Variants in DLG2 observed in about 807,000 individuals in gnomAD.
The protein encoded by DLG2 is discs large MAGUK scaffold protein 2, also known as disks large homolog 2.
DLG2 carries 45 observed loss-of-function variants against 132.5 expected under a neutral mutation model. The ratio of observed to expected loss-of-function variants is 0.34; its 90% CI spans 0.27 to 0.44. The LOEUF is 0.44. Ranked by LOEUF, DLG2 falls within the 20% of genes least tolerant of loss-of-function variation. The probability of loss-of-function intolerance (pLI) is 1.00; values close to 1 mark genes in which losing one functional copy is unlikely to be tolerated. For synonymous variants in DLG2, 424 were observed against 419.6 expected, an observed-to-expected ratio of 1.01 and a Z score of -0.13; for missense variants, 1,045 against 1,196.9, an observed-to-expected ratio of 0.87 and a Z score of 1.87.
intron 6 of DLG2, among the ~76,000 whole-genome samples, chr11:85,110,113 G>T (rs1386607337): frequency 2.0e-5 from 3 of 152,080 alleles, no homozygotes; most frequent in Non-Finnish European, 2.9e-5. Flanking sequence ...GTAGGAATCA[G>T]TAGTTATGAA....
intron 6 of DLG2, among the ~76,000 whole-genome samples, chr11:84,882,155 C>T (rs1165223676): frequency 6.6e-6 from 1 of 151,932 alleles, no homozygotes. Context: ...AGACAGTACA[C>T]CTTCTTTAAG....
At chr11:85,040,952 G>C (rs1312879043) in intron 6 of DLG2, among the ~76,000 whole-genome samples, 2 of 151,792 alleles carry the variant, frequency 1.3e-5, no homozygotes, top group African/African-American at 4.8e-5. Context: ...CCACTTTCCA[G>C]TTAGTAATAG....
intron 11 of DLG2, among the ~76,000 whole-genome samples, chr11:84,034,623 T>C (rs2095810690): frequency 6.6e-6 from 1 of 152,116 alleles, no homozygotes; most frequent in Admixed American, 6.5e-5. Flanking sequence ...AGCAATGTGG[T>C]TCTGGGAAGT....
At chr11:84,971,155 G>A (rs915277236) in intron 6 of DLG2, among the ~76,000 whole-genome samples, 30 of 152,238 alleles carry the variant, frequency 2.0e-4, no homozygotes, top group South Asian at 1.2e-3. Flanking sequence ...TAAATTTACC[G>A]TTCATTCCCA....
At chr11:85,121,933 G>T (rs917666587) in intron 5 of DLG2, among the ~76,000 whole-genome samples, 2 of 152,036 alleles carry the variant, frequency 1.3e-5, no homozygotes, top group African/African-American at 4.8e-5. Flanking sequence ...GAAGTACATG[G>T]ATATCTACAT....
At chr11:84,567,466 T>A (rs1018369248) in intron 6 of DLG2, among the ~76,000 whole-genome samples, 3 of 152,214 alleles carry the variant, frequency 2.0e-5, no homozygotes, top group African/African-American at 7.2e-5. Context: ...CCTTGATGGA[T>A]CCTCAATCAT....
At chr11:85,369,250 C>T (rs956496251) in intron 3 of DLG2, among the ~76,000 whole-genome samples, 3 of 152,016 alleles carry the variant, frequency 2.0e-5, no homozygotes, top group African/African-American at 7.2e-5. Context: ...GGGTGTATGG[C>T]CCAAGGGTCC....
At chr11:84,438,084 C>T (rs1008326554) in intron 7 of DLG2, among the ~76,000 whole-genome samples, 1 of 152,170 alleles carries the variant, frequency 6.6e-6, no homozygotes, top group Non-Finnish European at 1.5e-5. Flanking sequence ...AACCCAATCC[C>T]ACTCATATCC....
chr11:85,180,418 G>A (rs978115545), intron 4 of DLG2, among the ~76,000 whole-genome samples: 2 of 151,742 alleles, frequency 1.3e-5, no homozygotes, highest in African/African-American at 4.8e-5. Context: ...AAACCACAAA[G>A]TCCTTTCATT....
At chr11:83,686,117 C>T (rs892305533) in intron 18 of DLG2, among the ~76,000 whole-genome samples, 3 of 152,064 alleles carry the variant, frequency 2.0e-5, no homozygotes, top group South Asian at 2.1e-4. Flanking sequence ...CTTGCCTTGC[C>T]GCCACCCTTC....
intron 6 of DLG2, among the ~76,000 whole-genome samples, chr11:84,732,064 A>G (rs1336434068): frequency 1.3e-5 from 2 of 151,952 alleles, no homozygotes; most frequent in Non-Finnish European, 2.9e-5. Flanking sequence ...AATTTTTTCC[A>G]CTCAACATAT....
chr11:85,121,759 T>C (rs758331200), intron 5 of DLG2, among the ~76,000 whole-genome samples: 8 of 152,226 alleles, frequency 5.3e-5, no homozygotes, highest in Non-Finnish European at 1.0e-4. Flanking sequence ...CAATTGGCTG[T>C]CTCTTAACTG....
chr11:85,457,184 C>CTTTTTTTTTTTTTTTTTTTTTTTT (rs35970313), intron 3 of DLG2, among the ~76,000 whole-genome samples: 1 of 132,584 alleles, frequency 7.5e-6, no homozygotes, highest in Non-Finnish European at 1.7e-5. Flanking sequence ...CCTTCTTTGT[C>CTTTTTTTTTTTTTTTTTTTTTTTT]TTTTTTTTTT....
At chr11:84,627,793 T>C (rs1049235342) in intron 6 of DLG2, among the ~76,000 whole-genome samples, 6 of 152,196 alleles carry the variant, frequency 3.9e-5, no homozygotes, top group African/African-American at 1.4e-4. Flanking sequence ...CAGGAGCAGG[T>C]ACTTCACATG....
intron 6 of DLG2, among the ~76,000 whole-genome samples, chr11:84,816,251 C>T (rs912238897): frequency 6.6e-5 from 10 of 151,968 alleles, no homozygotes; most frequent in Admixed American, 2.6e-4. Flanking sequence ...GGGCTGCCTC[C>T]AGAGGAGCAG....
In DLG2 at chr11:85,390,441, C is replaced by A. The variant is rs77214975; in HGVS notation, c.41-105076G>T. Among the ~76,000 whole-genome samples, 830 of 152,050 alleles carry A rather than the reference C, an allele frequency of 5.5e-3. 6 individuals carry two copies. Among genetic ancestry groups the A allele is most frequent in the African/African-American group, 0.019 (792 of 41,434 alleles). ...TATTCCACTGGCAGCACAAGACAGG[C>A]TATCAAGGGAGAAAGTCAACAAAGA... On this transcript the variant is annotated intron_variant, in intron 3 of 27. Transcript: ENST00000376104.
chr11:84,445,055 G>T (rs145480715), intron 7 of DLG2, among the ~76,000 whole-genome samples: 193 of 152,140 alleles, frequency 1.3e-3, no homozygotes, highest in African/African-American at 4.4e-3. Flanking sequence ...CAGGTAATCC[G>T]CCTGCCTCGG....
At chr11:84,069,634 C>T (rs537943270) in intron 10 of DLG2, among the ~76,000 whole-genome samples, 21 of 152,304 alleles carry the variant, frequency 1.4e-4, no homozygotes, top group Non-Finnish European at 1.5e-5. Flanking sequence ...AGTGAATGTA[C>T]TGTTTTTCCC....
intron 5 of DLG2, among the ~76,000 whole-genome samples, chr11:85,132,060 A>G: frequency 6.6e-6 from 1 of 152,316 alleles, no homozygotes; most frequent in African/African-American, 2.4e-5. Flanking sequence ...ATTATTTAGA[A>G]CTGATGACAG....
Sources: gnomAD v4.1 joint callset for allele counts (sites outside exome capture counted in the v4.1 genomes callset) on GRCh38, gnomAD v4.1.1 for gene constraint, MANE v1.5 for transcripts, NCBI Gene and HGNC (gene_info 2026-07-23, HGNC 2026-07-21) for gene names.